The following STXBP5L variants were observed in gnomAD, a reference collection of about 807,000 sequenced individuals.
STXBP5L encodes syntaxin-binding protein 5-like.
A neutral mutation model predicts 144.5 loss-of-function variants in STXBP5L; 65 were observed. The ratio of observed to expected loss-of-function variants is 0.45; its 90% CI spans 0.37 to 0.55. The LOEUF is 0.55. Ranked by LOEUF, STXBP5L falls within the 20% of genes least tolerant of loss-of-function variation. The probability of loss-of-function intolerance (pLI) is 0.00; values close to 1 mark genes in which losing one functional copy is unlikely to be tolerated. For missense variants in STXBP5L, 1,298 were observed against 1,405.5 expected (o/e 0.92, Z 1.22); for synonymous variants, 505 against 469.6 (o/e 1.08, Z -0.97).
At chr3:121,355,272 T>C (rs759327192) in intron 20 of STXBP5L, among the ~76,000 whole-genome samples, 6 of 152,224 alleles carry the variant, frequency 3.9e-5, no homozygotes. Flanking sequence ...GATAATATCC[T>C]GCAGAGTGTT....
At chr3:121,128,592 G>A (rs2044825097) in intron 7 of STXBP5L, among the ~76,000 whole-genome samples, 1 of 152,046 alleles carries the variant, frequency 6.6e-6, no homozygotes, top group South Asian at 2.1e-4. Flanking sequence ...ATGGATTGTA[G>A]AGGCCAGGTC....
rs765437279 is a variant in STXBP5L, at chr3:121,279,975, T to A, written c.2110+19T>A. On this transcript the variant is annotated intron_variant, in intron 19 of 26. Transcript: ENST00000471454. ...ATTGCAGGTAGGAGATAAAACAAGA[T>A]GAGTTATGAACTTGATTTGGTCATC... 6.2e-7 allele frequency: 1 copy of A among 1,608,612 alleles called. No homozygotes were observed. The highest frequency in any genetic ancestry group is 8.5e-7 in the Non-Finnish European group (1 of 1,177,534).
At chr3:121,251,960 T>G (rs1415496774) in intron 15 of STXBP5L, among the ~76,000 whole-genome samples, 3 of 152,214 alleles carry the variant, frequency 2.0e-5, no homozygotes, top group African/African-American at 7.2e-5. Flanking sequence ...AGACTTTCTG[T>G]TGATGAATCT....
chr3:121,338,607 A>C, intron 20 of STXBP5L, among the ~76,000 whole-genome samples: 1 of 148,364 alleles, frequency 6.7e-6, no homozygotes, highest in South Asian at 2.1e-4. Context: ...AAAAAAAAAA[A>C]AAGAGAGAAA....
intron 7 of STXBP5L, among the ~76,000 whole-genome samples, chr3:121,124,652 A>G (rs1052491900): frequency 2.0e-5 from 3 of 152,010 alleles, no homozygotes; most frequent in Admixed American, 1.3e-4. Flanking sequence ...GCATCATTGA[A>G]TGTTTTGTTT....
chr3:121,372,368 A>G (rs757596344), intron 20 of STXBP5L, among the ~76,000 whole-genome samples: 1 of 152,142 alleles, frequency 6.6e-6, no homozygotes, highest in Admixed American at 6.5e-5. Context: ...GGTGACGGGC[A>G]TCACTGGTCT....
intron 20 of STXBP5L, among the ~76,000 whole-genome samples, chr3:121,346,301 A>G (rs990706796): frequency 6.6e-6 from 1 of 152,062 alleles, no homozygotes; most frequent in Admixed American, 6.6e-5. Flanking sequence ...TTATGGTTGC[A>G]TAGTATTCCA....
At chr3:121,026,700 C>G (rs1020258819) in intron 3 of STXBP5L, among the ~76,000 whole-genome samples, 1 of 151,386 alleles carries the variant, frequency 6.6e-6, no homozygotes, top group African/African-American at 2.4e-5. Flanking sequence ...AAATTTGACA[C>G]TGAAAGAATA....
At chr3:121,157,390 T>A (rs1431487091) in intron 8 of STXBP5L, 114 bp from the exon 9 acceptor site, 3 of 1,138,196 alleles carry the variant, frequency 2.6e-6, no homozygotes, top group Admixed American at 4.1e-5. Context: ...TTATGTTTTT[T>A]AAGTGTTGTT....
At chr3:121,369,052 G>GGTTTT (rs1276611726) in intron 20 of STXBP5L, among the ~76,000 whole-genome samples, 2 of 152,102 alleles carry the variant, frequency 1.3e-5, no homozygotes, top group African/African-American at 4.8e-5. Flanking sequence ...GATAGAGGGG[G>GGTTTT]GTTTTGTTGG....
intron 5 of STXBP5L, among the ~76,000 whole-genome samples, chr3:121,108,151 T>C (rs534393530): frequency 1.2e-3 from 188 of 152,342 alleles, no homozygotes; most frequent in Non-Finnish European, 2.3e-3. Flanking sequence ...GATTATGTTA[T>C]CTACAAACAG....
At chr3:121,193,057 T>C (rs2047765583) in intron 9 of STXBP5L, among the ~76,000 whole-genome samples, 1 of 142,212 alleles carries the variant, frequency 7.0e-6, no homozygotes, top group Non-Finnish European at 1.5e-5. Context: ...GGGAGAAAAT[T>C]TTTACAATCT....
chr3:121,047,766 A>T (rs1020460577), intron 5 of STXBP5L, among the ~76,000 whole-genome samples: 1 of 152,100 alleles, frequency 6.6e-6, no homozygotes. Context: ...GGTCTCTTGA[A>T]GACAGCATAC....
chr3:121,210,294 T>G lies in STXBP5L; in HGVS notation c.956+4293T>G, dbSNP rs1046909745. Among the ~76,000 whole-genome samples the G allele has an allele frequency of 1.2e-4, 18 of 152,240 alleles. 1 individual carries two copies. The highest frequency in any genetic ancestry group is 9.8e-4 in the Admixed American group (15 of 15,276). ...TTTGATGGAGTTGTTTGTTTTTTTC[T>G]TGTAAATTTAAGTTCATTGTAGATT... On this transcript the variant is annotated intron_variant, in intron 10 of 26. Transcript: ENST00000471454.
At chr3:121,015,767 C>T (rs1247000470) in intron 3 of STXBP5L, among the ~76,000 whole-genome samples, 1 of 152,058 alleles carries the variant, frequency 6.6e-6, no homozygotes, top group Non-Finnish European at 1.5e-5. Context: ...GAGCCTTATC[C>T]AAGGTAGGGG....
At chr3:121,085,125 C>G (rs1180604272) in intron 5 of STXBP5L, among the ~76,000 whole-genome samples, 1 of 152,024 alleles carries the variant, frequency 6.6e-6, no homozygotes, top group Non-Finnish European at 1.5e-5. Context: ...AGACCTTTGT[C>G]AGATGGATAA....
chr3:121,412,139 T>C (rs566512759), intron 23 of STXBP5L, among the ~76,000 whole-genome samples: 5 of 152,298 alleles, frequency 3.3e-5, no homozygotes, highest in African/African-American at 4.8e-5. Flanking sequence ...CTCCTGGCTG[T>C]GCCTGTGACT....
At chr3:121,113,622 G>GA (rs1328654399) in intron 5 of STXBP5L, among the ~76,000 whole-genome samples, 3 of 150,676 alleles carry the variant, frequency 2.0e-5, no homozygotes, top group African/African-American at 7.3e-5. Flanking sequence ...ACCAGACTGA[G>GA]AATATAAATT....
chr3:121,143,824 T>G (rs1294890134), intron 7 of STXBP5L, among the ~76,000 whole-genome samples: 1 of 151,876 alleles, frequency 6.6e-6, no homozygotes, highest in Non-Finnish European at 1.5e-5. Context: ...ATTAAAGACT[T>G]AAACATAAGA....
Sources: allele counts gnomAD v4.1 joint callset (sites outside exome capture counted in the v4.1 genomes callset), GRCh38; gene constraint gnomAD v4.1.1; transcripts MANE v1.5; gene names NCBI Gene and HGNC (gene_info 2026-07-23, HGNC 2026-07-21).